NR1H4: variants seen among roughly 807,000 people sequenced by gnomAD.
The protein encoded by NR1H4 is bile acid receptor.
NR1H4 carries 23 observed loss-of-function variants against 58.5 expected under a neutral mutation model. The ratio of observed to expected loss-of-function variants is 0.39; its 90% CI spans 0.28 to 0.56. NR1H4 has a LOEUF of 0.56. NR1H4 is among the 20% of genes least tolerant of loss of function. NR1H4 has a pLI of 0.58. For missense variants in NR1H4, 487 were observed against 576.9 expected (o/e 0.84, Z 1.60); for synonymous variants, 214 against 198.0 (o/e 1.08, Z -0.68).
At chr12:100,556,643 A>G (rs1218561828) in intron 9 of NR1H4, among the ~76,000 whole-genome samples, 1 of 152,214 alleles carries the variant, frequency 6.6e-6, no homozygotes, top group Non-Finnish European at 1.5e-5. Context: ...GCATGTATAT[A>G]TGTTTCACCA....
chr12:100,534,719 G>A (rs1210917809), intron 5 of NR1H4, among the ~76,000 whole-genome samples, 171 bp from the exon 6 acceptor site: 1 of 152,112 alleles, frequency 6.6e-6, no homozygotes, highest in Non-Finnish European at 1.5e-5. Flanking sequence ...CTTGTTCAAG[G>A]TTAAGTCTCA....
chr12:100,561,636 A>T (rs2136326151), intron 9 of NR1H4, among the ~76,000 whole-genome samples: 1 of 152,340 alleles, frequency 6.6e-6, no homozygotes, highest in South Asian at 2.1e-4. Flanking sequence ...AGTGACTGAA[A>T]CAAAGACACT....
In NR1H4 at chr12:100,479,977, A is replaced by G. The variant is rs555057947; in HGVS notation, c.-190+5918A>G. 2.1e-4 allele frequency among the ~76,000 whole-genome samples: 32 copies of G among 152,202 alleles called. No homozygotes were observed. In the South Asian group the frequency reaches 6.6e-3, roughly 32 times the overall value. ...CTCCAAAACTGTGTTCAACTACAAC[A>G]CTCTATACTTCTCTTTTACTTTCTT... On this transcript the variant is annotated intron_variant, in intron 1 of 10. Transcript: ENST00000392986.
chr12:100,512,475 C>G (rs1253070344), intron 4 of NR1H4, among the ~76,000 whole-genome samples: 2 of 151,918 alleles, frequency 1.3e-5, no homozygotes, highest in Non-Finnish European at 2.9e-5. Flanking sequence ...CCCGTCTCTA[C>G]TAAAAATACA....
intron 1 of NR1H4, among the ~76,000 whole-genome samples, chr12:100,490,070 T>C (rs1953573873): frequency 6.6e-6 from 1 of 152,230 alleles, no homozygotes; most frequent in Non-Finnish European, 1.5e-5. Flanking sequence ...CAATAGGGCT[T>C]ATAACATTTC....
At chr12:100,536,229 T>C (rs1954808783) in intron 6 of NR1H4, among the ~76,000 whole-genome samples, 1 of 152,164 alleles carries the variant, frequency 6.6e-6, no homozygotes, top group African/African-American at 2.4e-5. Context: ...ATGGGCTCAA[T>C]AGTCTTCATA....
chr12:100,533,890 C>CTTTTTTTT lies in NR1H4; in HGVS notation c.599-993_599-986dup, dbSNP rs758465149. On this transcript the variant is annotated intron_variant, in intron 5 of 10. Coordinates refer to ENST00000392986, the MANE Select transcript of NR1H4 (RefSeq NM_001206979.2). ...GTTTTACATTATTTTTAATAGCTCT[C>CTTTTTTTT]TTTTTTTTTTTTTTGTTGAGACGGA... Among the ~76,000 whole-genome samples the CTTTTTTTT allele has an allele frequency of 9.6e-3, 1,373 of 143,280 alleles. 23 individuals are homozygous for CTTTTTTTT. The highest frequency in any genetic ancestry group is 0.033 in the African/African-American group (1,266 of 38,742). 94.0% of individuals were successfully genotyped at this position (143,280 alleles called of 152,430 possible).
intron 1 of NR1H4, among the ~76,000 whole-genome samples, chr12:100,482,466 C>T (rs1953402414): frequency 6.6e-6 from 1 of 152,108 alleles, no homozygotes; most frequent in African/African-American, 2.4e-5. Context: ...TTCATGCAAC[C>T]ATTTGTTCAT....
At chr12:100,527,085 C>A (rs1050310248) in intron 4 of NR1H4, among the ~76,000 whole-genome samples, 1 of 152,222 alleles carries the variant, frequency 6.6e-6, no homozygotes, top group Non-Finnish European at 1.5e-5. Context: ...GCAAAACAAT[C>A]ATTTATGAAC....
At chr12:100,477,468 A>T (rs1038216042) in intron 1 of NR1H4, among the ~76,000 whole-genome samples, 1 of 152,162 alleles carries the variant, frequency 6.6e-6, no homozygotes, top group Non-Finnish European at 1.5e-5. Context: ...GTCTCAATGA[A>T]CCTGAGACAA....
At chr12:100,531,462 C>T (rs1329771217) in intron 4 of NR1H4, among the ~76,000 whole-genome samples, 1 of 152,058 alleles carries the variant, frequency 6.6e-6, no homozygotes, top group Non-Finnish European at 1.5e-5. Flanking sequence ...CTCAAAAAAA[C>T]AAAAAACAAA....
intron 4 of NR1H4, among the ~76,000 whole-genome samples, chr12:100,523,983 T>G (rs1345800684): frequency 6.6e-6 from 1 of 151,806 alleles, no homozygotes; most frequent in Non-Finnish European, 1.5e-5. Flanking sequence ...ATAAAATCAG[T>G]AAAAGAGTAT....
intron 1 of NR1H4, among the ~76,000 whole-genome samples, chr12:100,480,565 A>G (rs1953357153): frequency 6.6e-6 from 1 of 152,146 alleles, no homozygotes; most frequent in South Asian, 2.1e-4. Flanking sequence ...TTGTTCTTCC[A>G]GTTTCCACTA....
At chr12:100,482,600 A>G (rs1953405017) in intron 1 of NR1H4, among the ~76,000 whole-genome samples, 1 of 152,216 alleles carries the variant, frequency 6.6e-6, no homozygotes, top group Non-Finnish European at 1.5e-5. Flanking sequence ...CAGAAAACCA[A>G]ATCCACAAAA....
At chr12:100,505,620 G>C in intron 3 of NR1H4, 2 of 701,370 alleles carry the variant, frequency 2.9e-6, no homozygotes, top group Non-Finnish European at 5.2e-6. Context: ...TCTCATTTAA[G>C]AACTCGTCCC....
chr12:100,544,559 C>T (rs1955014659), intron 9 of NR1H4, among the ~76,000 whole-genome samples: 1 of 152,096 alleles, frequency 6.6e-6, no homozygotes, highest in South Asian at 2.1e-4. Flanking sequence ...ATTTATTCTG[C>T]AGTCTTGCCT....
intron 1 of NR1H4, among the ~76,000 whole-genome samples, chr12:100,490,982 G>A (rs1162763680): frequency 6.6e-6 from 1 of 152,092 alleles, no homozygotes; most frequent in East Asian, 1.9e-4. Context: ...TTTTATTAGA[G>A]GTGAGTTTTG....
chr12:100,544,513 C>G (rs971594413), intron 9 of NR1H4, among the ~76,000 whole-genome samples: 1 of 152,016 alleles, frequency 6.6e-6, no homozygotes, highest in African/African-American at 2.4e-5. Context: ...ACTTCATAAC[C>G]AATTTGATCT....
chr12:100,560,319 T>C (rs1305792265), intron 9 of NR1H4, among the ~76,000 whole-genome samples: 1 of 152,206 alleles, frequency 6.6e-6, no homozygotes, highest in Admixed American at 6.5e-5. Flanking sequence ...TTCCACACTG[T>C]GGAGGCTTTG....
Sources: allele counts gnomAD v4.1 joint callset (sites outside exome capture counted in the v4.1 genomes callset), GRCh38; gene constraint gnomAD v4.1.1; transcripts MANE v1.5; gene names NCBI Gene and HGNC (gene_info 2026-07-23, HGNC 2026-07-21).